The following MCM6 variants were observed in gnomAD, a reference collection of about 807,000 sequenced individuals.
MCM6 encodes minichromosome maintenance complex component 6.
Under a neutral mutation model 94.3 loss-of-function variants are expected in MCM6, and 46 were observed. The ratio of observed to expected loss-of-function variants is 0.49; its 90% CI spans 0.39 to 0.62. The LOEUF (loss-of-function observed/expected upper bound fraction) is 0.62. MCM6 is among the 20% of genes least tolerant of loss of function. The pLI is 0.00. For missense variants in MCM6, 865 were observed against 1,017.9 expected (o/e 0.85, Z 2.04); for synonymous variants, 335 against 351.9 (o/e 0.95, Z 0.54).
At chr2:135,870,045 T>C (rs115850338) in intron 3 of MCM6, among the ~76,000 whole-genome samples, 25 of 152,320 alleles carry the variant, frequency 1.6e-4, no homozygotes, top group African/African-American at 6.0e-4. Flanking sequence ...AACAAACCTA[T>C]TTTTTGCATG....
chr2:135,847,947 G>T, intron 14 of MCM6, 106 bp downstream of exon 14: 1 of 725,020 alleles, frequency 1.4e-6, no homozygotes, highest in South Asian at 2.2e-5. Context: ...TTTCCGTTTT[G>T]CTACCATAGA....
In MCM6 at chr2:135,872,860, G is replaced by C. The variant is rs752032078; in HGVS notation, c.108-17C>G. 1 of 1,613,098 alleles carries C rather than the reference G, an allele frequency of 6.2e-7. No individual in the cohort carries two copies. The highest frequency in any genetic ancestry group is 1.3e-5 in the African/African-American group (1 of 74,984). On this transcript the variant is annotated splice_polypyrimidine_tract_variant and intron_variant, in intron 1 of 16. Transcript: ENST00000264156. ...CTCTGAAACCTGCAGGTACATTCGAGTCAACTAGATTAAGGACACAGGCAG... is the reference window on the plus strand; with the variant it reads ...CTCTGAAACCTGCAGGTACATTCGACTCAACTAGATTAAGGACACAGGCAG...
intron 10 of MCM6, among the ~76,000 whole-genome samples, chr2:135,857,525 G>C (rs1034564196): frequency 2.0e-5 from 3 of 151,988 alleles, no homozygotes; most frequent in Non-Finnish European, 4.4e-5. Context: ...TTAAAGTTTA[G>C]ATTCTCCCTA....
chr2:135,848,672 T>C (rs943061665), intron 13 of MCM6, among the ~76,000 whole-genome samples: 2 of 152,070 alleles, frequency 1.3e-5, no homozygotes, highest in Admixed American at 6.6e-5. Flanking sequence ...TCACCTGAGA[T>C]TGGGAGTTTG....
chr2:135,865,050 G>A lies in MCM6; in HGVS notation c.1041C>T (p.Tyr347=). 6.5e-7 allele frequency: 1 copy of A among 1,538,376 alleles called. No individual in the cohort carries two copies. The highest frequency in any genetic ancestry group is 2.0e-5 in the Admixed American group (1 of 50,690). ...GGAACAGGCTGGTACAAAGATTGTG[G>A]TATAGATTTTTATCTTGACTCATCT... ...VFEMSQDKNL[Y]HNLCTSLFPT... is the part of the protein sequence containing the mutation. Residue 347 remains tyrosine, a synonymous_variant, in exon 7 of 17, where the codon TAC becomes TAT. Transcript: ENST00000264156.
intron 16 of MCM6, 68 bp downstream of exon 16, chr2:135,844,477 A>T: frequency 7.5e-7 from 1 of 1,340,732 alleles, no homozygotes; most frequent in East Asian, 2.7e-5. Flanking sequence ...TTCACTAGTG[A>T]ACCTGCAGAT....
In MCM6 at chr2:135,848,252, A is replaced by C. The variant is rs991624627; in HGVS notation, c.1918-64T>G. ...TGATATACCAAACAGATTTTCTCCC[A>C]ATGAAATCACAGTAGTATGTATTTT... On this transcript the variant is annotated intron_variant, in intron 13 of 16. Transcript: ENST00000264156. 15 of 1,230,462 alleles carry C rather than the reference A, an allele frequency of 1.2e-5. No individual in the cohort carries two copies. In the Admixed American group the frequency reaches 2.3e-4, roughly 19 times the overall value. 76.2% of individuals were successfully genotyped at this position (1,230,462 alleles called of 1,614,324 possible). A position where few individuals can be genotyped will look rare whatever the true frequency, so the allele number is the denominator to read the frequency against.
chr2:135,876,102 G>A, intron 1 of MCM6, among the ~76,000 whole-genome samples, 157 bp downstream of exon 1: 1 of 152,178 alleles, frequency 6.6e-6, no homozygotes, highest in East Asian at 1.9e-4. Context: ...CCTCGCGGCC[G>A]CCGGGCTCGG....
intron 8 of MCM6, among the ~76,000 whole-genome samples, chr2:135,862,324 AT>A: frequency 7.2e-6 from 1 of 138,730 alleles, no homozygotes; most frequent in Admixed American, 7.1e-5. Flanking sequence ...ATAAAATTTT[AT>A]ACAAATAATA....
chr2:135,856,405 T>C (rs1679893708), intron 11 of MCM6, among the ~76,000 whole-genome samples: 1 of 152,202 alleles, frequency 6.6e-6, no homozygotes, highest in South Asian at 2.1e-4. Context: ...ACTGTGCCAC[T>C]GCACTCCAGC....
Position 135,850,586 on chromosome 2 carries a change from G to T in MCM6, c.1917+816C>A, listed in dbSNP as rs1053573201. ...GTCAATAGTAAAGTACCATATCAAA[G>T]AATTTGAAAATTTAGTGGAAAAAAG... On this transcript the variant is annotated intron_variant, in intron 13 of 16. Transcript: ENST00000264156. Among the ~76,000 whole-genome samples, 3 of 152,030 alleles carry T rather than the reference G, an allele frequency of 2.0e-5. No homozygotes were observed. The East Asian group carries it at 5.8e-4, about 29-fold the overall frequency.
intron 7 of MCM6, among the ~76,000 whole-genome samples, chr2:135,863,301 T>C (rs1412325461): frequency 1.3e-5 from 2 of 152,226 alleles, no homozygotes; most frequent in East Asian, 1.9e-4. Flanking sequence ...GGAAAAACAA[T>C]TTTCTTAAAA....
Position 135,872,834 on chromosome 2 carries a change from G to A in MCM6, c.117C>T (p.Ser39=). 1.2e-6 allele frequency: 2 copies of A among 1,614,026 alleles called. No homozygotes were observed. The highest frequency in any genetic ancestry group is 1.3e-5 in the African/African-American group (1 of 75,018). ...LFLDFLEEFQ[S]SDGEIKYLQL... ...GCAAGTATTTAATTTCTCCATCGCTGCTCTGAAACCTGCAGGTACATTCGA... is the reference window on the plus strand; with the variant it reads ...GCAAGTATTTAATTTCTCCATCGCTACTCTGAAACCTGCAGGTACATTCGA... The change falls in exon 2 of 17, where the codon AGC becomes AGT. Residue 39 remains serine, a synonymous_variant. Coordinates refer to ENST00000264156, the MANE Select transcript of MCM6 (RefSeq NM_005915.6).
At chr2:135,842,196 T>C (rs868558939) in intron 16 of MCM6, among the ~76,000 whole-genome samples, 1 of 152,308 alleles carries the variant, frequency 6.6e-6, no homozygotes, top group Middle Eastern at 3.4e-3. Context: ...AGCAGATTCC[T>C]TGCCTGGGTC....
At position 135,872,762 on chromosome 2, in the gene MCM6, C is replaced by T; in HGVS notation, c.189G>A (p.Val63=). The change falls in exon 2 of 17, where the codon GTG becomes GTA. Residue 63 remains valine (V), a synonymous_variant. Coordinates refer to ENST00000264156, the MANE Select transcript of MCM6 (RefSeq NM_005915.6). ...LIRPERNTLV[V]SFVDLEQFNQ... ...TAAATTGTTCCAGGTCCACAAAACT[C>T]ACAACCAATGTGTTTCTCTCAGGAC... 6.2e-7 allele frequency: 1 copy of T among 1,614,174 alleles called. No homozygotes were observed. The highest frequency in any genetic ancestry group is 8.5e-7 in the Non-Finnish European group (1 of 1,180,036).
At chr2:135,847,423 A>C (rs1013952308) in intron 14 of MCM6, among the ~76,000 whole-genome samples, 1 of 152,136 alleles carries the variant, frequency 6.6e-6, no homozygotes, top group East Asian at 1.9e-4. Context: ...AAAATAAATA[A>C]AATTTCTAGT....
chr2:135,868,873 A>C lies in MCM6; in HGVS notation c.366-13T>G, dbSNP rs1339643616. On this transcript the variant is annotated splice_polypyrimidine_tract_variant and intron_variant, in intron 3 of 16. Transcript: ENST00000264156. The stretch of plus-strand genomic sequence containing the variant: ...GAGCTCTCGAATCCTGTTTAAAGAC[A>C]AATGTCCCATTAGTAAACATTCATC... 1 of 1,611,368 alleles carries C rather than the reference A, an allele frequency of 6.2e-7. No homozygotes were observed. Among genetic ancestry groups the C allele is most frequent in the African/African-American group, 1.3e-5 (1 of 75,002 alleles).
At chr2:135,872,088 C>T (rs1680211456) in intron 2 of MCM6, among the ~76,000 whole-genome samples, 1 of 152,116 alleles carries the variant, frequency 6.6e-6, no homozygotes, top group Non-Finnish European at 1.5e-5. Context: ...TAAGTAAGTA[C>T]AGTTTTCCTC....
At chr2:135,871,552 T>C (rs1418594936) in intron 2 of MCM6, among the ~76,000 whole-genome samples, 2 of 152,252 alleles carry the variant, frequency 1.3e-5, no homozygotes, top group African/African-American at 2.4e-5. Context: ...TCTATTTCTA[T>C]AGACTGTCAC....
Sources: gnomAD v4.1 joint callset for allele counts (sites outside exome capture counted in the v4.1 genomes callset) on GRCh38, gnomAD v4.1.1 for gene constraint, MANE v1.5 for transcripts, NCBI Gene and HGNC (gene_info 2026-07-23, HGNC 2026-07-21) for gene names.